Variants in SGK3 observed in about 807,000 individuals in gnomAD.
The protein encoded by SGK3 is serum/glucocorticoid regulated kinase family member 3, also known as serine/threonine-protein kinase Sgk3.
Under a neutral mutation model 68.5 loss-of-function variants are expected in SGK3, and 47 were observed. That is an observed-to-expected ratio of 0.69 (90% CI 0.54 to 0.87). The LOEUF (loss-of-function observed/expected upper bound fraction) is 0.87, where lower values mean the gene tolerates loss of function less well. Among genes scored for constraint, SGK3 ranks in the 40% least tolerant of loss-of-function variants. The pLI, the probability that SGK3 is intolerant of heterozygous loss-of-function variation, is 0.00. For synonymous variants in SGK3, 181 were observed against 189.1 expected (o/e 0.96, Z 0.35); for missense variants, 479 against 575.5 (o/e 0.83, Z 1.72).
chr8:66,746,372 A>G (rs1805655297), intron 1 of SGK3, among the ~76,000 whole-genome samples: 1 of 152,114 alleles, frequency 6.6e-6, no homozygotes, highest in Non-Finnish European at 1.5e-5. Flanking sequence ...AAAACAAGTC[A>G]TTTCCTGAAC....
intron 1 of SGK3, among the ~76,000 whole-genome samples, chr8:66,782,486 A>G (rs912682178): frequency 6.6e-6 from 1 of 152,206 alleles, no homozygotes; most frequent in Non-Finnish European, 1.5e-5. Context: ...AACACATCGT[A>G]GTAACCCAAA....
chr8:66,745,599 A>AAACAC lies in SGK3; in HGVS notation c.-122+32770_-122+32771insCAACA, dbSNP rs1563606463. On this transcript the variant is annotated intron_variant, in intron 1 of 16. Coordinates refer to ENST00000521198, the MANE Select transcript of SGK3 (RefSeq NM_001033578.3). ...AAAACAAAAACAAAACAAAACAAAAAAACAACAAAAACTGAGTAAAAGTTT... is the reference window on the plus strand; with the variant it reads ...AAAACAAAAACAAAACAAAACAAAAAAACACAACAACAAAAACTGAGTAAAAGTTT... Among the ~76,000 whole-genome samples the AAACAC allele has an allele frequency of 4.0e-3, 601 of 151,750 alleles. 11 individuals carry two copies. The highest frequency in any genetic ancestry group is 0.013 in the African/African-American group (546 of 41,344).
At chr8:66,716,713 A>C (rs1042206180) in intron 1 of SGK3, among the ~76,000 whole-genome samples, 1 of 152,192 alleles carries the variant, frequency 6.6e-6, no homozygotes, top group Non-Finnish European at 1.5e-5. Flanking sequence ...TGTGCAGTGC[A>C]GCTGTGCTTC....
rs530093850 is a variant in SGK3, at chr8:66,791,790, G to GT, written c.-121-1824dup. 5.5e-3 allele frequency among the ~76,000 whole-genome samples: 836 copies of GT among 152,242 alleles called. 2 individuals carry two copies. Among genetic ancestry groups the GT allele is most frequent in the Non-Finnish European group, 9.5e-3 (648 of 68,018 alleles). On this transcript the variant is annotated intron_variant, in intron 1 of 16. Coordinates refer to ENST00000521198, the MANE Select transcript of SGK3 (RefSeq NM_001033578.3). ...AGCATGGGTTAATGTGGCTTCTGAG[G>GT]TTCCAGGACAGGGCCAGTCTGCCTT...
At chr8:66,845,394 G>A (rs1342731398) in intron 14 of SGK3, among the ~76,000 whole-genome samples, 2 of 150,796 alleles carry the variant, frequency 1.3e-5, no homozygotes, top group African/African-American at 2.4e-5. Context: ...GCGAGACTCC[G>A]TCTCAAAAAA....
At position 66,847,360 on chromosome 8, in the gene SGK3, C is replaced by T; in HGVS notation, c.1230+12C>T. ...CCAAGGAAGACTTTGTATGTAACAGCTTTTCTAGCTCCAGCTTTATTTAAG... is the reference window on the plus strand; with the variant it reads ...CCAAGGAAGACTTTGTATGTAACAGTTTTTCTAGCTCCAGCTTTATTTAAG... On this transcript the variant is annotated intron_variant, in intron 15 of 16. Transcript: ENST00000521198. The T allele has an allele frequency of 3.1e-6, 5 of 1,609,110 alleles. No individual in the cohort carries two copies. Among genetic ancestry groups the T allele is most frequent in the Non-Finnish European group, 4.2e-6 (5 of 1,178,766 alleles).
intron 16 of SGK3, among the ~76,000 whole-genome samples, chr8:66,851,526 A>G (rs993820639): frequency 2.6e-5 from 4 of 151,372 alleles, no homozygotes; most frequent in Non-Finnish European, 5.9e-5. Context: ...GTCTCAAAAT[A>G]AAATTAAAAA....
At chr8:66,720,781 T>TTATATATAGATATA (rs1804772977) in intron 1 of SGK3, among the ~76,000 whole-genome samples, 1 of 146,248 alleles carries the variant, frequency 6.8e-6, no homozygotes, top group Non-Finnish European at 1.5e-5. Context: ...AAAAAAAAAA[T>TTATATATAGATATA]TATATATATA....
chr8:66,786,051 A>T (rs978688679), intron 1 of SGK3, among the ~76,000 whole-genome samples: 2 of 152,164 alleles, frequency 1.3e-5, no homozygotes, highest in African/African-American at 2.4e-5. Flanking sequence ...GTGGGTTTTT[A>T]TGTCAATCCC....
At chr8:66,728,917 T>TA (rs879295820) in intron 1 of SGK3, among the ~76,000 whole-genome samples, 2,123 of 139,724 alleles carry the variant, frequency 0.015, 13 homozygotes, top group Non-Finnish European at 0.021. Flanking sequence ...CTCTGCCTCT[T>TA]AAAAAAAAAA....
chr8:66,720,151 A>G (rs1391164840), intron 1 of SGK3, among the ~76,000 whole-genome samples: 1 of 152,204 alleles, frequency 6.6e-6, no homozygotes, highest in Non-Finnish European at 1.5e-5. Context: ...AATCCATCCA[A>G]ATTAACATAA....
At chr8:66,779,916 T>C (rs1270803233) in intron 1 of SGK3, among the ~76,000 whole-genome samples, 1 of 152,028 alleles carries the variant, frequency 6.6e-6, no homozygotes, top group Non-Finnish European at 1.5e-5. Flanking sequence ...AAATATTTAC[T>C]TGAGAGTAAA....
intron 1 of SGK3, among the ~76,000 whole-genome samples, chr8:66,788,994 A>G (rs1293264159): frequency 6.6e-6 from 1 of 152,174 alleles, no homozygotes; most frequent in African/African-American, 2.4e-5. Flanking sequence ...TGAGACAATG[A>G]AGGTATACTG....
intron 14 of SGK3, among the ~76,000 whole-genome samples, chr8:66,846,766 A>G (rs1444679061): frequency 2.6e-5 from 4 of 152,202 alleles, no homozygotes; most frequent in African/African-American, 7.2e-5. Context: ...CCTAAGAAAC[A>G]TTATCTTCAG....
intron 1 of SGK3, among the ~76,000 whole-genome samples, chr8:66,748,222 C>T (rs972147766): frequency 6.6e-6 from 1 of 152,122 alleles, no homozygotes; most frequent in Non-Finnish European, 1.5e-5. Flanking sequence ...AATATAAATC[C>T]TTTCTTCTCA....
chr8:66,719,296 GTTGTT>G (rs1804732924), intron 1 of SGK3, among the ~76,000 whole-genome samples: 1 of 150,372 alleles, frequency 6.7e-6, no homozygotes, highest in Non-Finnish European at 1.5e-5. Flanking sequence ...TACACAATTT[GTTGTT>G]TTGTTTTTTC....
At chr8:66,728,647 A>G (rs1292692359) in intron 1 of SGK3, among the ~76,000 whole-genome samples, 1 of 152,098 alleles carries the variant, frequency 6.6e-6, no homozygotes, top group Non-Finnish European at 1.5e-5. Context: ...ATTGGTGAAA[A>G]ATATCCTGCT....
chr8:66,842,875 C>T (rs369596952), intron 13 of SGK3, among the ~76,000 whole-genome samples: 1 of 152,060 alleles, frequency 6.6e-6, no homozygotes, highest in Non-Finnish European at 1.5e-5. Context: ...TCCAGACCAG[C>T]CTGGGCAACA....
At chr8:66,756,161 G>A (rs1484910678) in intron 1 of SGK3, among the ~76,000 whole-genome samples, 5 of 152,108 alleles carry the variant, frequency 3.3e-5, no homozygotes, top group Non-Finnish European at 5.9e-5. Flanking sequence ...ATGCTGTGAG[G>A]ACACAGGGAG....
Sources: allele counts gnomAD v4.1 joint callset (sites outside exome capture counted in the v4.1 genomes callset), GRCh38; gene constraint gnomAD v4.1.1; transcripts MANE v1.5; gene names NCBI Gene and HGNC (gene_info 2026-07-23, HGNC 2026-07-21).